The following TXLNA variants were observed in gnomAD, a reference collection of about 807,000 sequenced individuals.
The protein encoded by TXLNA is alpha-taxilin.
Under a neutral mutation model 61.4 loss-of-function variants are expected in TXLNA, and 9 were observed. The observed-to-expected ratio is 0.15, with a 90% CI of 0.09 to 0.26. The LOEUF (loss-of-function observed/expected upper bound fraction) is 0.26. Ranked by LOEUF, TXLNA falls within the 10% of genes least tolerant of loss-of-function variation. The probability of loss-of-function intolerance (pLI) is 1.00; values close to 1 mark genes in which losing one functional copy is unlikely to be tolerated. For synonymous variants in TXLNA, 257 were observed against 267.7 expected (o/e 0.96, Z 0.39); for missense variants, 565 against 688.8 (o/e 0.82, Z 2.01).
chr1:32,183,129 C>T (rs562374416), intron 3 of TXLNA, among the ~76,000 whole-genome samples: 32 of 151,790 alleles, frequency 2.1e-4, no homozygotes, highest in African/African-American at 7.2e-4. Context: ...TTCTTCACCC[C>T]CCACCCCCAA....
At chr1:32,184,283 G>A (rs1409770155) in intron 3 of TXLNA, among the ~76,000 whole-genome samples, 1 of 152,132 alleles carries the variant, frequency 6.6e-6, no homozygotes, top group Non-Finnish European at 1.5e-5. Context: ...TTTCACTAGG[G>A]TACAGTCGTT....
intron 3 of TXLNA, 24 bp downstream of exon 3, chr1:32,181,601 G>A (rs1169053242): frequency 6.7e-7 from 1 of 1,500,018 alleles, no homozygotes; most frequent in Non-Finnish European, 8.9e-7. Flanking sequence ...GGCTCTTTGT[G>A]AAGCTGGTGA....
chr1:32,195,138 G>A lies in TXLNA; in HGVS notation c.1584G>A (p.Pro528=), dbSNP rs558402900. 19 of 1,613,676 alleles carry A rather than the reference G, an allele frequency of 1.2e-5. No individual in the cohort carries two copies. The Middle Eastern group carries it at 1.2e-3, about 98-fold the overall frequency. Residue 528 remains proline (P), a synonymous_variant, in exon 11 of 11, where the codon CCG becomes CCA. Transcript: ENST00000373610. ...AAGCGCCTTGCTACCCAGGAGCACC[G>A]AGCACAGAAGCATCAGGCCAGACTG... ...VTEAPCYPGA[P]STEASGQTGP...
intron 5 of TXLNA, among the ~76,000 whole-genome samples, chr1:32,188,587 G>C (rs1164454860): frequency 6.6e-6 from 1 of 151,756 alleles, no homozygotes; most frequent in Non-Finnish European, 1.5e-5. Flanking sequence ...GCAGTGAGCC[G>C]AGATTGCATC....
rs1354352256 is a variant in TXLNA at position 32,192,281 on chromosome 1, A to G, written c.964-30A>G. The G allele has an allele frequency of 6.2e-7, 1 of 1,609,406 alleles. No individual in the cohort carries two copies. Among genetic ancestry groups the G allele is most frequent in the East Asian group, 2.2e-5 (1 of 44,740 alleles). On this transcript the variant is annotated intron_variant, in intron 6 of 10. Transcript: ENST00000373610. This position sits in a 1 kb window ranked among gnomAD's most constrained non-coding sequence, Gnocchi z 4.2. ...ACCCTGAGAAAGGGAGCGCCTGACA[A>G]GCCGACTGCTCCCACCATCTTTGTT...
rs930702352 is a variant in TXLNA at position 32,192,128 on chromosome 1, C to T, written c.964-183C>T. 2.6e-5 allele frequency among the ~76,000 whole-genome samples: 4 copies of T among 152,192 alleles called. No individual in the cohort carries two copies. Among genetic ancestry groups the T allele is most frequent in the Admixed American group, 6.5e-5 (1 of 15,284 alleles). The stretch of plus-strand genomic sequence containing the variant: ...AAGGTCTGACTCACTGGGAGAGAAA[C>T]GACGTGAGGTTGGAAAGCTGACCTT... On this transcript the variant is annotated intron_variant, in intron 6 of 10. Transcript: ENST00000373610. This position sits in a 1 kb window ranked among gnomAD's most constrained non-coding sequence, Gnocchi z 4.2.
At chr1:32,187,759 G>A (rs946599797) in intron 4 of TXLNA, among the ~76,000 whole-genome samples, 195 bp from the exon 5 acceptor site, 1 of 152,116 alleles carries the variant, frequency 6.6e-6, no homozygotes, top group African/African-American at 2.4e-5. Flanking sequence ...CTGTCCCTAC[G>A]GTGGAGCCTT....
intron 3 of TXLNA, among the ~76,000 whole-genome samples, chr1:32,183,743 TAATTA>T (rs1264394872): frequency 7.0e-6 from 1 of 143,644 alleles, no homozygotes; most frequent in Non-Finnish European, 1.5e-5. Context: ...TTTTTTTAAT[TAATTA>T]ATTTTTTTAG....
At chr1:32,183,705 C>G (rs1167987553) in intron 3 of TXLNA, among the ~76,000 whole-genome samples, 4 of 150,964 alleles carry the variant, frequency 2.6e-5, no homozygotes, top group Non-Finnish European at 1.5e-5. Context: ...GCTGGGATTA[C>G]AGGCGTAAGC....
At chr1:32,180,180 C>A in intron 1 of TXLNA, 134 bp from the exon 2 acceptor site, 1 of 910,720 alleles carries the variant, frequency 1.1e-6, no homozygotes, top group Non-Finnish European at 1.6e-6. Context: ...GACCAGAGAG[C>A]CGTTGGCGCC....
At position 32,181,565 on chromosome 1, in the gene TXLNA, G is replaced by T; in HGVS notation, c.493G>T (p.Ala165Ser). The T allele has an allele frequency of 6.5e-7, 1 of 1,544,548 alleles. No homozygotes were observed. ...DHRRPQEKKK[A>S]KGLGKEITLL... ...TCGAAGGCCACAGGAGAAGAAAAAA[G>T]CCAAGGGTTTGGGTGAGCAGAGGGC... Residue 165 changes from alanine to serine, a missense_variant, in exon 3 of 11, where the codon GCC becomes TCC. Coordinates refer to ENST00000373610, the MANE Select transcript of TXLNA (RefSeq NM_175852.4).
intron 1 of TXLNA, 99 bp downstream of exon 1, chr1:32,179,875 C>CG (rs201020028): frequency 6.6e-6 from 1 of 152,316 alleles, no homozygotes; most frequent in African/African-American, 2.4e-5. Context: ...CCGCGTGGGC[C>CG]GGGGGCTGTC....
In TXLNA at chr1:32,193,276, C is replaced by G. The variant is rs1239871087; in HGVS notation, c.1227C>G (p.Thr409=). The G allele has an allele frequency of 6.2e-7, 1 of 1,613,404 alleles. No homozygotes were observed. ...TTTCCAAAAGCAGCGAGGTATTCAC[C>G]ACATTCAAGCAGGAGATGGAAAAGG... The part of the protein sequence containing the change: ...NTLSKSSEVF[T]TFKQEMEKMT... The change falls in exon 9 of 11, where the codon ACC becomes ACG. Residue 409 remains threonine (T), a synonymous_variant. Transcript: ENST00000373610.
In TXLNA at chr1:32,196,259, T is replaced by C. The variant is rs1643022497; in HGVS notation, c.*1064T>C. On this transcript the variant is annotated 3_prime_UTR_variant, in exon 11 of 11. Coordinates refer to ENST00000373610, the MANE Select transcript of TXLNA (RefSeq NM_175852.4). ...CCTGAGAGGCCACCACCAGTTCCCA[T>C]CAGCACTGTCTCCATGCAGCAGTTG... is the stretch of plus-strand genomic sequence containing the variant. The C allele has an allele frequency of 6.5e-6, 1 of 152,772 alleles. No individual in the cohort carries two copies. 9.5% of individuals were successfully genotyped at this position (152,772 alleles called of 1,614,324 possible). A position where few individuals can be genotyped will look rare whatever the true frequency, so the allele number is the denominator to read the frequency against.
rs1441142157 is a variant in TXLNA at position 32,197,567 on chromosome 1, G to C, written c.*2372G>C. 1.3e-5 allele frequency: 2 copies of C among 152,296 alleles called. No homozygotes were observed. The highest frequency in any genetic ancestry group is 4.8e-5 in the African/African-American group (2 of 41,468). The allele number at this position is 152,296 out of a possible 1,614,324, so 9.4% of individuals were successfully genotyped here. ...CCAAAGTAGCCCAGGTCCTGGGCCA[G>C]ATGCAGGGGAGGTGCCTATCCATGA... On this transcript the variant is annotated 3_prime_UTR_variant, in exon 11 of 11. Transcript: ENST00000373610. The surrounding 1 kb of genome is among the most constrained non-coding windows in gnomAD (Gnocchi z 4.6).
Position 32,196,622 on chromosome 1 carries a change from G to A in TXLNA, c.*1427G>A, listed in dbSNP as rs1643031138. ...TGTTCTGCTGTTGCAAACTTGCCAG[G>A]GTATTAGCCAGTGTTTGTGCCAAGC... On this transcript the variant is annotated 3_prime_UTR_variant, in exon 11 of 11. Transcript: ENST00000373610. The A allele has an allele frequency of 1.3e-5, 2 of 152,188 alleles. No individual in the cohort carries two copies. Among genetic ancestry groups the A allele is most frequent in the Admixed American group, 6.5e-5 (1 of 15,286 alleles). 9.4% of individuals were successfully genotyped at this position (152,188 alleles called of 1,614,324 possible).
chr1:32,184,431 G>C, intron 3 of TXLNA, 94 bp from the exon 4 acceptor site: 1 of 786,410 alleles, frequency 1.3e-6, no homozygotes. Flanking sequence ...AAGTATGATG[G>C]GGAGGGCTGT....
intron 5 of TXLNA, 95 bp downstream of exon 5, chr1:32,188,219 C>T (rs1642828524): frequency 2.2e-6 from 3 of 1,366,484 alleles, no homozygotes; most frequent in South Asian, 1.5e-5. Context: ...GTAGTGCAGG[C>T]TAGGGCCAGG....
At chr1:32,180,578 G>A in intron 2 of TXLNA, 64 bp downstream of exon 2, 1 of 1,512,756 alleles carries the variant, frequency 6.6e-7, no homozygotes, top group Non-Finnish European at 8.9e-7. Context: ...CCTCGCTTCT[G>A]GACTTACAGG....
Sources: allele counts gnomAD v4.1 joint callset (sites outside exome capture counted in the v4.1 genomes callset), GRCh38; gene constraint gnomAD v4.1.1; non-coding constraint Gnocchi (gnomAD v3.1); transcripts MANE v1.5; gene names NCBI Gene and HGNC (gene_info 2026-07-23, HGNC 2026-07-21).